Variants in NELFCD observed in about 807,000 individuals in gnomAD.
NELFCD encodes negative elongation factor C/D.
Under a neutral mutation model 72.9 loss-of-function variants are expected in NELFCD, and 48 were observed. The ratio of observed to expected loss-of-function variants is 0.66; its 90% CI spans 0.52 to 0.84. NELFCD has a LOEUF of 0.84. Ranked by LOEUF, NELFCD falls within the 40% of genes least tolerant of loss-of-function variation. The pLI is 0.00. For synonymous variants in NELFCD, 297 were observed against 280.6 expected, an observed-to-expected ratio of 1.06 and a Z score of -0.59; for missense variants, 538 against 723.8, an observed-to-expected ratio of 0.74 and a Z score of 2.94.
At chr20:58,991,700 ACTAGTCT>A in intron 9 of NELFCD, 174 bp from the exon 10 acceptor site, 1 of 754,310 alleles carries the variant, frequency 1.3e-6, no homozygotes, top group East Asian at 2.7e-5. Context: ...ATGGACAAAC[ACTAGTCT>A]CATTGCTTTT....
intron 5 of NELFCD, 36 bp downstream of exon 5, chr20:58,989,057 T>A (rs770133932): frequency 6.9e-7 from 1 of 1,458,230 alleles, no homozygotes; most frequent in Non-Finnish European, 9.6e-7. Context: ...GAAAAGTGTT[T>A]ATGAATGTTT....
At position 58,991,382 on chromosome 20, in the gene NELFCD, A is replaced by G; in HGVS notation, c.1025A>G (p.Asp342Gly). The G allele has an allele frequency of 6.2e-7, 1 of 1,614,240 alleles. No individual in the cohort carries two copies. The highest frequency in any genetic ancestry group is 8.5e-7 in the Non-Finnish European group (1 of 1,180,046). The change falls in exon 9 of 15, where the codon GAC (aspartate) becomes GGC (glycine). Residue 342 changes from aspartate to glycine, a missense_variant. Coordinates refer to ENST00000652272, the MANE Select transcript of NELFCD (RefSeq NM_198976.4). ...LFKPGARINQ[D>G]HKHKYIHILA... ...AAACCAGGGGCTCGGATCAACCAGG[A>G]CCACAAGCACAAATACATCCACATC...
chr20:58,985,984 T>C (rs1293926050), intron 1 of NELFCD, 109 bp from the exon 2 acceptor site: 3 of 764,146 alleles, frequency 3.9e-6, no homozygotes, highest in Non-Finnish European at 7.0e-6. Context: ...TCAAATGAAA[T>C]AATGTGTGTA....
intron 7 of NELFCD, 83 bp from the exon 8 acceptor site, chr20:58,990,827 A>G (rs1226659028): frequency 1.9e-5 from 23 of 1,236,216 alleles, no homozygotes; most frequent in Non-Finnish European, 2.6e-5. Context: ...GATCCCAACA[A>G]TGCAAAGTAT....
chr20:58,988,061 A>G (rs1011113441), intron 4 of NELFCD: 4 of 489,236 alleles, frequency 8.2e-6, no homozygotes, highest in Admixed American at 3.6e-5. Context: ...AGTTCCCACC[A>G]TTTCCCCTCT....
At position 58,981,305 on chromosome 20, in the gene NELFCD, C is replaced by A. The variant is rs1439154958; in HGVS notation, c.-5C>A. 1.8e-6 allele frequency: 2 copies of A among 1,084,448 alleles called. No individual in the cohort carries two copies. Among genetic ancestry groups the A allele is most frequent in the African/African-American group, 1.7e-5 (1 of 59,324 alleles). The allele number at this position is 1,084,448 out of a possible 1,614,324, so 67.2% of individuals were successfully genotyped here. On this transcript the variant is annotated 5_prime_UTR_variant, in exon 1 of 15. Coordinates refer to ENST00000652272, the MANE Select transcript of NELFCD (RefSeq NM_198976.4). Reference sequence around the variant, plus strand: ...GGCATGGCGGGGGCCGTGCCGGGCGCCATCATGGACGAGGACTACTACGGG... The same window carrying A: ...GGCATGGCGGGGGCCGTGCCGGGCGACATCATGGACGAGGACTACTACGGG...
chr20:58,986,341 T>A lies in NELFCD; in HGVS notation c.176+133T>A. On this transcript the variant is annotated intron_variant, in intron 2 of 14. Transcript: ENST00000652272. The surrounding 1 kb of genome is among the most constrained non-coding windows in gnomAD (Gnocchi z 4.4). ...CTAAAGGCTTCAAGGGGGGGTCCCC[T>A]CTGCCACTTTTTTTTTTTTTTTAAA... 1 of 610,298 alleles carries A rather than the reference T, an allele frequency of 1.6e-6. No homozygotes were observed. Among genetic ancestry groups the A allele is most frequent in the Non-Finnish European group, 2.8e-6 (1 of 351,892 alleles). The allele number at this position is 610,298 out of a possible 1,614,324, so 37.8% of individuals were successfully genotyped here.
chr20:58,994,151 GCAACTTTTCCTCCC>G lies in NELFCD; in HGVS notation c.1626_1639del (p.Gln542HisfsTer5), dbSNP rs1171333998. On this transcript the variant is annotated frameshift_variant, in exon 14 of 15. Transcript: ENST00000652272. LOFTEE classifies it high-confidence loss of function. ...CTCCTCCTTATACCTCTGACTTCGT[GCAACTTTTCCTCCC>G]CATCCTGGAGAATGACAGCATCGCA... The G allele has an allele frequency of 6.2e-7, 1 of 1,614,194 alleles. No individual in the cohort carries two copies. The highest frequency in any genetic ancestry group is 2.2e-5 in the East Asian group (1 of 44,880).
rs894338040 is a variant in NELFCD at position 58,983,520 on chromosome 20, A to G, written c.60+2151A>G. Among the ~76,000 whole-genome samples the G allele has an allele frequency of 7.3e-5, 11 of 150,094 alleles. No individual in the cohort carries two copies. The South Asian group carries it at 8.5e-4, about 12-fold the overall frequency. On this transcript the variant is annotated intron_variant, in intron 1 of 14. Transcript: ENST00000652272. The stretch of plus-strand genomic sequence containing the variant: ...AGTGGTGCCATCTTGGCTCACTGCA[A>G]CCTCCACCTCCTGGGTTCAAGTGAT...
At position 58,991,048 on chromosome 20, in the gene NELFCD, A is replaced by G; in HGVS notation, c.927A>G (p.Thr309=). The part of the protein sequence containing the change: ...ADITVLFKMF[T]SMDPPPVELI... The stretch of plus-strand genomic sequence containing the variant: ...TCACCGTCCTGTTCAAGATGTTCAC[A>G]AGCATGGACCCTCCTCCGGTTGAAC... Residue 309 remains threonine, a synonymous_variant, in exon 8 of 15, where the codon ACA becomes ACG. Transcript: ENST00000652272. The G allele has an allele frequency of 6.2e-7, 1 of 1,614,012 alleles. No individual in the cohort carries two copies. The highest frequency in any genetic ancestry group is 8.5e-7 in the Non-Finnish European group (1 of 1,179,940).
intron 4 of NELFCD, among the ~76,000 whole-genome samples, chr20:58,988,673 A>G (rs2091790219): frequency 6.6e-6 from 1 of 151,904 alleles, no homozygotes; most frequent in Non-Finnish European, 1.5e-5. Flanking sequence ...CCTAGGAAGC[A>G]ACTTTCAGTA....
intron 6 of NELFCD, 52 bp from the exon 7 acceptor site, chr20:58,989,806 C>T (rs534146653): frequency 1.2e-5 from 19 of 1,612,658 alleles, no homozygotes; most frequent in South Asian, 5.5e-5. Flanking sequence ...CTCGTCCGCC[C>T]GTCTGTGCTA....
In NELFCD at chr20:58,993,978, G is replaced by T; in HGVS notation, c.1582-132G>T. 8.5e-7 allele frequency: 1 copy of T among 1,173,090 alleles called. No individual in the cohort carries two copies. Among genetic ancestry groups the T allele is most frequent in the Non-Finnish European group, 1.2e-6 (1 of 815,632 alleles). 72.7% of individuals were successfully genotyped at this position (1,173,090 alleles called of 1,614,324 possible). On this transcript the variant is annotated intron_variant, in intron 13 of 14. Transcript: ENST00000652272. This position sits in a 1 kb window ranked among gnomAD's most constrained non-coding sequence, Gnocchi z 5.0. Reference sequence around the variant, plus strand: ...TTACCACCCTGGGCATCTGAATGTTGGAGATGGGTGGTGTCACCGGCCGGT... The same window carrying T: ...TTACCACCCTGGGCATCTGAATGTTTGAGATGGGTGGTGTCACCGGCCGGT...
chr20:58,981,298 C>T lies in NELFCD; in HGVS notation c.-12C>T, dbSNP rs1264360047. 7.4e-6 allele frequency: 8 copies of T among 1,073,962 alleles called. No homozygotes were observed. Among genetic ancestry groups the T allele is most frequent in the South Asian group, 3.9e-5 (1 of 25,442 alleles). The allele number at this position is 1,073,962 out of a possible 1,614,324, so 66.5% of individuals were successfully genotyped here. A position where few individuals can be genotyped will look rare whatever the true frequency, so the allele number is the denominator to read the frequency against. On this transcript the variant is annotated 5_prime_UTR_variant, in exon 1 of 15. Coordinates refer to ENST00000652272, the MANE Select transcript of NELFCD (RefSeq NM_198976.4). ...GCGGGAGGGCATGGCGGGGGCCGTG[C>T]CGGGCGCCATCATGGACGAGGACTA...
rs545258221 is a variant in NELFCD at position 58,990,572 on chromosome 20, A to C, written c.789-338A>C. ...TGGAGTTATGGGCCTGGGCTTTTAC[A>C]CTGGGGTTCTGAAGTAACAAACAAA... On this transcript the variant is annotated intron_variant, in intron 7 of 14. Transcript: ENST00000652272. The C allele has an allele frequency of 6.3e-4, 141 of 224,340 alleles. No individual in the cohort carries two copies. The South Asian group carries it at 0.011, about 17-fold the overall frequency. The allele number at this position is 224,340 out of a possible 1,614,324, so 13.9% of individuals were successfully genotyped here. A position where few individuals can be genotyped will look rare whatever the true frequency, so the allele number is the denominator to read the frequency against.
chr20:58,994,066 C>T lies in NELFCD; in HGVS notation c.1582-44C>T, dbSNP rs749798418. The T allele has an allele frequency of 2.5e-5, 40 of 1,605,370 alleles. 1 individual carries two copies. Among genetic ancestry groups the T allele is most frequent in the Middle Eastern group, 1.7e-4 (1 of 5,994 alleles). ...TTCACCCGGATGTCGGTGGATGCCC[C>T]GCACTAGTGTGCGGAAGAAGTCACC... is the stretch of plus-strand genomic sequence containing the variant. On this transcript the variant is annotated intron_variant, in intron 13 of 14. Coordinates refer to ENST00000652272, the MANE Select transcript of NELFCD (RefSeq NM_198976.4).
intron 7 of NELFCD, chr20:58,990,189 G>A (rs1601215954): frequency 8.2e-6 from 5 of 607,610 alleles, no homozygotes; most frequent in South Asian, 2.1e-5. Flanking sequence ...CTAAGGTCAG[G>A]AGTTTGAGAC....
rs1250914484 is a variant in NELFCD, at chr20:58,993,770, C to T, written c.1581+6C>T. 2 of 1,613,878 alleles carry T rather than the reference C, an allele frequency of 1.2e-6. No individual in the cohort carries two copies. The highest frequency in any genetic ancestry group is 1.7e-6 in the Non-Finnish European group (2 of 1,179,884). ...TTCGCTATTTTGTCACTGAGGTCAGCAATGCACCGTTGGTTTCATGTTTCA... is the reference window on the plus strand; with the variant it reads ...TTCGCTATTTTGTCACTGAGGTCAGTAATGCACCGTTGGTTTCATGTTTCA... On this transcript the variant is annotated splice_donor_region_variant and intron_variant, in intron 13 of 14. Transcript: ENST00000652272. This position sits in a 1 kb window ranked among gnomAD's most constrained non-coding sequence, Gnocchi z 5.0.
At chr20:58,987,180 A>G (rs1329521758) in intron 3 of NELFCD, 5 of 307,654 alleles carry the variant, frequency 1.6e-5, no homozygotes, top group East Asian at 1.5e-4. Flanking sequence ...CAAGACGTCT[A>G]TTACAGCAAG....
Sources: allele counts gnomAD v4.1 joint callset (sites outside exome capture counted in the v4.1 genomes callset), GRCh38; gene constraint gnomAD v4.1.1; non-coding constraint Gnocchi (gnomAD v3.1); transcripts MANE v1.5; gene names NCBI Gene and HGNC (gene_info 2026-07-23, HGNC 2026-07-21).